RBFOX1: variants seen among roughly 807,000 people sequenced by gnomAD.
RBFOX1 encodes the protein RNA binding protein fox-1 homolog 1.
In RBFOX1, 8 loss-of-function variants were observed where a neutral mutation model predicts 57.7. The observed-to-expected ratio is 0.14, with a 90% CI of 0.08 to 0.25. The LOEUF is 0.25. Among genes scored for constraint, RBFOX1 ranks in the 10% least tolerant of loss-of-function variants. The probability of loss-of-function intolerance (pLI) is 1.00; values close to 1 mark genes in which losing one functional copy is unlikely to be tolerated. For synonymous variants in RBFOX1, 326 were observed against 222.4 expected (o/e 1.47, Z -4.15); for missense variants, 611 against 548.5 (o/e 1.11, Z -1.14).
chr16:6,762,749 A>G (rs1220470051), intron 3 of RBFOX1, among the ~76,000 whole-genome samples: 1 of 151,754 alleles, frequency 6.6e-6, no homozygotes, highest in Non-Finnish European at 1.5e-5. Context: ...TAAGGTAAAG[A>G]GCCTTACCCC....
chr16:7,013,456 T>G (rs2093749922), intron 3 of RBFOX1, among the ~76,000 whole-genome samples: 1 of 152,184 alleles, frequency 6.6e-6, no homozygotes, highest in African/African-American at 2.4e-5. Flanking sequence ...AGGATGCTAC[T>G]CGCATCTAGC....
At chr16:6,099,735 T>C (rs2096282459) in intron 1 of RBFOX1, among the ~76,000 whole-genome samples, 1 of 152,220 alleles carries the variant, frequency 6.6e-6, no homozygotes, top group African/African-American at 2.4e-5. Flanking sequence ...GGAGACTGTA[T>C]ACAGGAAAGT....
At chr16:5,326,789 C>T (rs1392191268) in intron 1 of RBFOX1, among the ~76,000 whole-genome samples, 1 of 152,182 alleles carries the variant, frequency 6.6e-6, no homozygotes, top group Non-Finnish European at 1.5e-5. Context: ...TATCAGAAAG[C>T]CTTCTGCCTG....
At chr16:6,399,272 G>A (rs1389810267) in intron 2 of RBFOX1, among the ~76,000 whole-genome samples, 1 of 152,210 alleles carries the variant, frequency 6.6e-6, no homozygotes, top group Non-Finnish European at 1.5e-5. Context: ...GATGGGAGGG[G>A]CTGCCATGAA....
intron 3 of RBFOX1, among the ~76,000 whole-genome samples, chr16:6,726,058 C>T (rs921655249): frequency 6.6e-6 from 1 of 152,098 alleles, no homozygotes; most frequent in Admixed American, 6.6e-5. Flanking sequence ...AGATTTGTTC[C>T]GTGTTGACTC....
At chr16:5,675,668 C>G (rs1284484595) in intron 3 of RBFOX1, among the ~76,000 whole-genome samples, 5 of 152,144 alleles carry the variant, frequency 3.3e-5, no homozygotes, top group African/African-American at 1.2e-4. Flanking sequence ...GCTGCTGGGC[C>G]CAGCCTATGG....
chr16:5,776,005 G>T (rs1597206187), intron 3 of RBFOX1, among the ~76,000 whole-genome samples: 1 of 152,218 alleles, frequency 6.6e-6, no homozygotes, highest in Non-Finnish European at 1.5e-5. Context: ...GGCCCAGGCT[G>T]CAGGGCAAAG....
chr16:7,517,065 GTCTT>G (rs2152140743), intron 4 of RBFOX1, among the ~76,000 whole-genome samples: 1 of 151,722 alleles, frequency 6.6e-6, no homozygotes, highest in Non-Finnish European at 1.5e-5. Context: ...TCCTCGCTCT[GTCTT>G]TCTGACTGTG....
intron 2 of RBFOX1, among the ~76,000 whole-genome samples, chr16:6,512,119 GA>G (rs5815317): frequency 0.062 from 8,585 of 139,248 alleles, 750 homozygotes; most frequent in African/African-American, 0.2. Context: ...CAAATAAAAT[GA>G]AAAAAAAAAA....
At chr16:6,912,922 G>C (rs2072074498) in intron 3 of RBFOX1, among the ~76,000 whole-genome samples, 1 of 151,984 alleles carries the variant, frequency 6.6e-6, no homozygotes, top group Non-Finnish European at 1.5e-5. Context: ...GCCCAGCCTA[G>C]AGCTCCTTGT....
At chr16:7,233,055 C>T (rs1473192783) in intron 4 of RBFOX1, among the ~76,000 whole-genome samples, 2 of 152,078 alleles carry the variant, frequency 1.3e-5, no homozygotes, top group Non-Finnish European at 1.5e-5. Flanking sequence ...CTTTTGCTTG[C>T]TCTTGATGTT....
intron 3 of RBFOX1, among the ~76,000 whole-genome samples, chr16:6,767,180 G>A (rs1045412664): frequency 2.0e-5 from 3 of 152,028 alleles, no homozygotes; most frequent in Non-Finnish European, 2.9e-5. Flanking sequence ...TCTAGAGTTG[G>A]GTATGGAACC....
At chr16:6,131,189 G>T (rs897620679) in intron 1 of RBFOX1, among the ~76,000 whole-genome samples, 2 of 152,214 alleles carry the variant, frequency 1.3e-5, no homozygotes, top group African/African-American at 4.8e-5. Flanking sequence ...TACCTAGTGT[G>T]ATGGAAATAC....
intron 4 of RBFOX1, among the ~76,000 whole-genome samples, chr16:7,318,981 G>A (rs1236154100): frequency 3.3e-5 from 5 of 152,190 alleles, no homozygotes; most frequent in Admixed American, 6.5e-5. Context: ...GGGAGTATGG[G>A]AACATATGGG....
At chr16:7,339,481 C>T (rs796511434) in intron 4 of RBFOX1, among the ~76,000 whole-genome samples, 2 of 152,284 alleles carry the variant, frequency 1.3e-5, no homozygotes, top group South Asian at 2.1e-4. Flanking sequence ...TGCTCTGTAG[C>T]CCAGGCTGTA....
At chr16:6,893,566 A>C (rs1186196012) in intron 3 of RBFOX1, among the ~76,000 whole-genome samples, 1 of 152,136 alleles carries the variant, frequency 6.6e-6, no homozygotes, top group South Asian at 2.1e-4. Context: ...ATGAGCCCCA[A>C]AGTAAATTTA....
intron 2 of RBFOX1, among the ~76,000 whole-genome samples, chr16:5,494,825 A>G (rs1266821754): frequency 1.3e-5 from 2 of 152,204 alleles, no homozygotes; most frequent in African/African-American, 4.8e-5. Context: ...GATGAAAATG[A>G]TCACGATGAT....
intron 3 of RBFOX1, among the ~76,000 whole-genome samples, chr16:5,702,671 C>G (rs549294355): frequency 6.6e-6 from 1 of 152,344 alleles, no homozygotes; most frequent in East Asian, 1.9e-4. Context: ...TGTTAACAGT[C>G]TATGAGTATC....
chr16:5,852,130 CG>C (rs1487126139), intron 3 of RBFOX1, among the ~76,000 whole-genome samples: 2 of 152,090 alleles, frequency 1.3e-5, no homozygotes, highest in Admixed American at 1.3e-4. Context: ...AAAAGTTAAC[CG>C]GGTTTTTCCC....
Sources: gnomAD v4.1 joint callset for allele counts (sites outside exome capture counted in the v4.1 genomes callset) on GRCh38, gnomAD v4.1.1 for gene constraint, MANE v1.5 for transcripts, NCBI Gene and HGNC (gene_info 2026-07-23, HGNC 2026-07-21) for gene names.